The following WWOX variants were observed in gnomAD, a reference collection of about 807,000 sequenced individuals.
The protein encoded by WWOX is WW domain-containing oxidoreductase.
In WWOX, 69 loss-of-function variants were observed where a neutral mutation model predicts 46.2. That is an observed-to-expected ratio of 1.49 (90% CI 1.23 to 1.82). The LOEUF is 1.82. Ranked by LOEUF, WWOX falls within the 40% of genes most tolerant of loss-of-function variation. WWOX has a pLI of 0.00. For synonymous variants in WWOX, 359 were observed against 202.6 expected (o/e 1.77, Z -6.56); for missense variants, 919 against 542.6 (o/e 1.69, Z -6.89).
chr16:78,898,972 C>A (rs1278761943), intron 8 of WWOX: 1 of 152,086 alleles, frequency 6.6e-6, no homozygotes, highest in East Asian at 1.9e-4. Flanking sequence ...ATCCTGTGAT[C>A]TTAAAATTTA....
chr16:78,743,659 C>T (rs1027306563), intron 8 of WWOX, among the ~76,000 whole-genome samples: 2 of 152,258 alleles, frequency 1.3e-5, no homozygotes, highest in East Asian at 1.9e-4. Context: ...ATTGAAAGTA[C>T]CCCTGATTGG....
At chr16:78,679,284 G>T (rs1023821962) in intron 8 of WWOX, among the ~76,000 whole-genome samples, 1 of 152,164 alleles carries the variant, frequency 6.6e-6, no homozygotes, top group African/African-American at 2.4e-5. Flanking sequence ...GGTGCAGTGG[G>T]TTGCGCCTGT....
intron 8 of WWOX, among the ~76,000 whole-genome samples, chr16:78,575,930 A>G (rs1044405911): frequency 4.0e-5 from 6 of 150,864 alleles, no homozygotes; most frequent in African/African-American, 1.5e-4. Flanking sequence ...CTATATTAAA[A>G]GAGAGATTAA....
At chr16:79,014,132 G>C (rs1007262818) in intron 8 of WWOX, among the ~76,000 whole-genome samples, 2 of 152,230 alleles carry the variant, frequency 1.3e-5, no homozygotes, top group African/African-American at 4.8e-5. Context: ...CAGAGACCAA[G>C]ATCTTTTTCT....
intron 8 of WWOX, among the ~76,000 whole-genome samples, chr16:78,823,974 A>T (rs141820361): frequency 6.6e-6 from 1 of 151,908 alleles, no homozygotes; most frequent in Non-Finnish European, 1.5e-5. Flanking sequence ...GGGTCTTCCT[A>T]TGTTGCCCAG....
At chr16:78,173,073 A>C (rs1259838792) in intron 5 of WWOX, among the ~76,000 whole-genome samples, 2 of 152,232 alleles carry the variant, frequency 1.3e-5, no homozygotes, top group African/African-American at 4.8e-5. Flanking sequence ...AAACAACTGT[A>C]GATGAAGCAG....
intron 8 of WWOX, among the ~76,000 whole-genome samples, chr16:79,152,109 AC>A (rs2050291155): frequency 6.6e-6 from 1 of 152,170 alleles, no homozygotes; most frequent in Non-Finnish European, 1.5e-5. Flanking sequence ...TTTATCCTCT[AC>A]TTTTTCCTGT....
At chr16:79,044,794 G>T (rs1212393831) in intron 8 of WWOX, among the ~76,000 whole-genome samples, 1 of 151,220 alleles carries the variant, frequency 6.6e-6, no homozygotes, top group Non-Finnish European at 1.5e-5. Flanking sequence ...TGAAGAGTGT[G>T]GATCTTAAAG....
At chr16:78,763,869 G>T (rs2142497340) in intron 8 of WWOX, among the ~76,000 whole-genome samples, 1 of 152,222 alleles carries the variant, frequency 6.6e-6, no homozygotes, top group South Asian at 2.1e-4. Context: ...AGAGTTTTTG[G>T]GGAGTCTGTA....
intron 5 of WWOX, among the ~76,000 whole-genome samples, chr16:78,182,056 G>A (rs2035547580): frequency 6.6e-6 from 1 of 152,148 alleles, no homozygotes; most frequent in Admixed American, 6.5e-5. Context: ...TGTTATGGGG[G>A]CCTAAGCAAC....
intron 8 of WWOX, among the ~76,000 whole-genome samples, chr16:78,516,950 C>T (rs1342785439): frequency 2.6e-5 from 4 of 152,012 alleles, no homozygotes; most frequent in African/African-American, 4.8e-5. Context: ...TTTTTGGAGA[C>T]TTGGGTCTGT....
At chr16:78,831,174 G>A (rs987687588) in intron 8 of WWOX, among the ~76,000 whole-genome samples, 3 of 152,190 alleles carry the variant, frequency 2.0e-5, no homozygotes, top group Non-Finnish European at 2.9e-5. Flanking sequence ...GGGGGCTGAA[G>A]ACCCTGGCTG....
intron 8 of WWOX, among the ~76,000 whole-genome samples, chr16:78,992,394 G>A (rs570035563): frequency 6.6e-6 from 1 of 152,122 alleles, no homozygotes; most frequent in Non-Finnish European, 1.5e-5. Flanking sequence ...TTGAATCCGG[G>A]AGGCAGAGGT....
intron 8 of WWOX, among the ~76,000 whole-genome samples, chr16:78,597,360 T>C (rs1431647411): frequency 6.6e-6 from 1 of 152,206 alleles, no homozygotes; most frequent in Admixed American, 6.5e-5. Flanking sequence ...GCTGATTCAT[T>C]CATTTGGATT....
At position 78,386,852 on chromosome 16, in the gene WWOX, C is replaced by G. The variant is rs760361302; in HGVS notation, c.517-8C>G. On this transcript the variant is annotated splice_polypyrimidine_tract_variant and splice_region_variant and intron_variant, in intron 5 of 8. Coordinates refer to ENST00000566780, the MANE Select transcript of WWOX (RefSeq NM_016373.4). ...TTTATCATTTCTTTTTATTTTCTCTCATTGCAGCATAAAGCCAAGGTAGAA... is the reference window on the plus strand; with the variant it reads ...TTTATCATTTCTTTTTATTTTCTCTGATTGCAGCATAAAGCCAAGGTAGAA... The G allele has an allele frequency of 6.2e-7, 1 of 1,611,690 alleles. No individual in the cohort carries two copies. The highest frequency in any genetic ancestry group is 2.2e-5 in the East Asian group (1 of 44,896).
At chr16:78,873,956 G>T (rs932092748) in intron 8 of WWOX, among the ~76,000 whole-genome samples, 3 of 151,866 alleles carry the variant, frequency 2.0e-5, no homozygotes, top group African/African-American at 7.3e-5. Context: ...ACTACCCACA[G>T]TAATCAAGTT....
chr16:78,515,150 G>C (rs1351828554), intron 8 of WWOX, among the ~76,000 whole-genome samples: 2 of 152,142 alleles, frequency 1.3e-5, no homozygotes, highest in South Asian at 2.1e-4. Flanking sequence ...CTTGAACCCG[G>C]GAGGCGGAGG....
chr16:78,729,020 A>T (rs147284276), intron 8 of WWOX, among the ~76,000 whole-genome samples: 1 of 152,086 alleles, frequency 6.6e-6, no homozygotes, highest in Non-Finnish European at 1.5e-5. Flanking sequence ...TCATCCCCCT[A>T]AAGATATCCC....
chr16:78,138,680 G>A (rs779927942), intron 4 of WWOX, among the ~76,000 whole-genome samples: 2 of 152,188 alleles, frequency 1.3e-5, no homozygotes, highest in Non-Finnish European at 2.9e-5. Context: ...CCCACCCTGA[G>A]AAGTCACCAG....
Sources: allele counts gnomAD v4.1 joint callset (sites outside exome capture counted in the v4.1 genomes callset), GRCh38; gene constraint gnomAD v4.1.1; transcripts MANE v1.5; gene names NCBI Gene and HGNC (gene_info 2026-07-23, HGNC 2026-07-21).